The following GNAQ variants were observed in gnomAD, a reference collection of about 807,000 sequenced individuals.
GNAQ encodes the protein guanine nucleotide-binding protein G(q) subunit alpha.
In GNAQ, 8 loss-of-function variants were observed where a neutral mutation model predicts 43.9. The ratio of observed to expected loss-of-function variants is 0.18; its 90% CI spans 0.11 to 0.33. The LOEUF is 0.33. Ranked by LOEUF, GNAQ falls within the 10% of genes least tolerant of loss-of-function variation. The probability of loss-of-function intolerance (pLI) is 1.00; values close to 1 mark genes in which losing one functional copy is unlikely to be tolerated. For missense variants in GNAQ, 158 were observed against 450.8 expected (o/e 0.35, Z 5.88); for synonymous variants, 155 against 170.7 (o/e 0.91, Z 0.71).
intron 1 of GNAQ, among the ~76,000 whole-genome samples, chr9:77,931,720 T>C (rs1002314322): frequency 4.1e-4 from 62 of 152,216 alleles, no homozygotes; most frequent in African/African-American, 1.5e-3. Context: ...CCTATTCCAG[T>C]TCCTCCTCTT....
intron 5 of GNAQ, among the ~76,000 whole-genome samples, chr9:77,780,959 T>C (rs1427998076): frequency 3.3e-5 from 5 of 151,692 alleles, no homozygotes; most frequent in African/African-American, 1.2e-4. Context: ...TGGATTTTTT[T>C]TTTTTTTTTT....
intron 3 of GNAQ, among the ~76,000 whole-genome samples, chr9:77,800,522 A>G (rs1406471612): frequency 6.6e-6 from 1 of 152,168 alleles, no homozygotes; most frequent in Admixed American, 6.5e-5. Flanking sequence ...GAATTCAACA[A>G]TGAGAACACA....
chr9:77,768,725 T>C (rs913793614), intron 5 of GNAQ, among the ~76,000 whole-genome samples: 7 of 152,180 alleles, frequency 4.6e-5, no homozygotes, highest in African/African-American at 7.2e-5. Flanking sequence ...GCTAAACCAC[T>C]CAGGAGTCCT....
At chr9:77,963,140 G>A (rs948550842) in intron 1 of GNAQ, among the ~76,000 whole-genome samples, 7 of 152,040 alleles carry the variant, frequency 4.6e-5, no homozygotes, top group Non-Finnish European at 8.8e-5. Context: ...GTGGAAGAAC[G>A]GTGAAATCAC....
At chr9:77,961,812 A>T (rs893726126) in intron 1 of GNAQ, among the ~76,000 whole-genome samples, 12 of 152,190 alleles carry the variant, frequency 7.9e-5, no homozygotes, top group African/African-American at 2.9e-4. Flanking sequence ...ATCTTACCCA[A>T]AACTATCAGG....
chr9:77,759,325 A>G (rs1053498609), intron 5 of GNAQ, among the ~76,000 whole-genome samples: 2 of 152,224 alleles, frequency 1.3e-5, no homozygotes, highest in Non-Finnish European at 2.9e-5. Context: ...TAAGAATTAG[A>G]AAACAGCTGG....
chr9:77,790,275 TCTC>T (rs1373119328), intron 5 of GNAQ, among the ~76,000 whole-genome samples: 1 of 152,230 alleles, frequency 6.6e-6, no homozygotes, highest in African/African-American at 2.4e-5. Context: ...TGAGTTTTTT[TCTC>T]CTCAATTTTT....
At chr9:77,990,270 C>A (rs1823492357) in intron 1 of GNAQ, among the ~76,000 whole-genome samples, 2 of 152,076 alleles carry the variant, frequency 1.3e-5, no homozygotes, top group Admixed American at 6.6e-5. Flanking sequence ...ACTCTGTTGC[C>A]CAGGCTGGAG....
chr9:77,772,544 C>T (rs1419036426), intron 5 of GNAQ, among the ~76,000 whole-genome samples: 1 of 152,170 alleles, frequency 6.6e-6, no homozygotes, highest in Non-Finnish European at 1.5e-5. Context: ...GGAATAGAAA[C>T]TCCCTTTTCT....
chr9:77,925,952 T>C (rs1330025977), intron 1 of GNAQ, among the ~76,000 whole-genome samples: 2 of 152,216 alleles, frequency 1.3e-5, no homozygotes, highest in East Asian at 3.8e-4. Context: ...TAATACAATG[T>C]AAATGCTATG....
rs12339021 is a variant in GNAQ at position 77,836,238 on chromosome 9, C to G, written c.322-20468G>C. Among the ~76,000 whole-genome samples the G allele has an allele frequency of 1.5e-4, 22 of 151,680 alleles. No homozygotes were observed. The East Asian group carries it at 4.1e-3, about 28-fold the overall frequency. ...ACTCCCTATGATTAAAAGCCCCCCC[C>G]GGATCTGTCCAAGCTCTCTCCTCCA... On this transcript the variant is annotated intron_variant, in intron 2 of 6. Transcript: ENST00000286548.
At chr9:78,011,447 A>G (rs1198340101) in intron 1 of GNAQ, among the ~76,000 whole-genome samples, 5 of 152,202 alleles carry the variant, frequency 3.3e-5, no homozygotes, top group African/African-American at 7.2e-5. Context: ...AAATGAAGAG[A>G]ATGCTTTGAA....
At chr9:77,835,670 A>T (rs1014578913) in intron 2 of GNAQ, among the ~76,000 whole-genome samples, 1 of 152,186 alleles carries the variant, frequency 6.6e-6, no homozygotes, top group Non-Finnish European at 1.5e-5. Flanking sequence ...CCCCCATTTA[A>T]GGTAGGTAAT....
At chr9:77,741,057 T>A (rs1005159490) in intron 5 of GNAQ, among the ~76,000 whole-genome samples, 1 of 152,250 alleles carries the variant, frequency 6.6e-6, no homozygotes, top group Non-Finnish European at 1.5e-5. Flanking sequence ...TCATAAAAAT[T>A]CTTACTTTGA....
At chr9:77,893,310 T>C (rs1362850003) in intron 2 of GNAQ, among the ~76,000 whole-genome samples, 2 of 152,174 alleles carry the variant, frequency 1.3e-5, no homozygotes, top group South Asian at 2.1e-4. Context: ...TCATCCTCAT[T>C]GCTCAATTAT....
intron 2 of GNAQ, among the ~76,000 whole-genome samples, chr9:77,867,897 C>G (rs1191770591): frequency 6.6e-6 from 1 of 152,192 alleles, no homozygotes; most frequent in Non-Finnish European, 1.5e-5. Context: ...CATCATTAAT[C>G]CCCTTTAGAA....
chr9:77,775,409 CTT>C (rs555902583), intron 5 of GNAQ, among the ~76,000 whole-genome samples: 14 of 130,918 alleles, frequency 1.1e-4, no homozygotes, highest in Admixed American at 1.5e-4. Flanking sequence ...CCTCATCTCT[CTT>C]TTTTTTTTTT....
intron 2 of GNAQ, among the ~76,000 whole-genome samples, chr9:77,904,942 T>G (rs1328817952): frequency 6.6e-6 from 1 of 151,970 alleles, no homozygotes; most frequent in African/African-American, 2.4e-5. Context: ...AAAAGTGAAA[T>G]GGCAATAAGA....
At chr9:77,880,460 A>G (rs1012139056) in intron 2 of GNAQ, among the ~76,000 whole-genome samples, 7 of 151,930 alleles carry the variant, frequency 4.6e-5, no homozygotes, top group African/African-American at 1.5e-4. Flanking sequence ...AGCTCACTTT[A>G]GCCTTGAACT....
Sources: gnomAD v4.1 joint callset for allele counts (sites outside exome capture counted in the v4.1 genomes callset) on GRCh38, gnomAD v4.1.1 for gene constraint, MANE v1.5 for transcripts, NCBI Gene and HGNC (gene_info 2026-07-23, HGNC 2026-07-21) for gene names.